PRKCA: variants seen among roughly 807,000 people sequenced by gnomAD.
PRKCA encodes protein kinase C alpha type.
PRKCA carries 27 observed loss-of-function variants against 87.0 expected under a neutral mutation model. That is an observed-to-expected ratio of 0.31 (90% CI 0.23 to 0.43). The LOEUF is 0.43. Among genes scored for constraint, PRKCA ranks in the 20% least tolerant of loss-of-function variants. PRKCA has a pLI of 1.00. For missense variants in PRKCA, 518 were observed against 852.3 expected, an observed-to-expected ratio of 0.61 and a Z score of 4.88; for synonymous variants, 329 against 311.1, an observed-to-expected ratio of 1.06 and a Z score of -0.61.
chr17:66,624,910 C>T (rs911934781), intron 3 of PRKCA, among the ~76,000 whole-genome samples: 29 of 151,998 alleles, frequency 1.9e-4, no homozygotes, highest in African/African-American at 6.8e-4. Flanking sequence ...TAGGAGTCAC[C>T]ACATTTCAAA....
chr17:66,355,959 C>T (rs1908021458), intron 2 of PRKCA, among the ~76,000 whole-genome samples: 2 of 152,126 alleles, frequency 1.3e-5, no homozygotes. Context: ...AGTGCAATGG[C>T]ATGATCTCCG....
chr17:66,796,747 C>T (rs149419114), intron 16 of PRKCA: 16,276 of 985,264 alleles, frequency 0.017, 151 homozygotes, highest in Middle Eastern at 0.018. Flanking sequence ...TAAAAGAAGA[C>T]GCTGTGCAAC....
At chr17:66,670,506 G>A (rs1972150209) in intron 5 of PRKCA, among the ~76,000 whole-genome samples, 1 of 152,192 alleles carries the variant, frequency 6.6e-6, no homozygotes, top group Non-Finnish European at 1.5e-5. Context: ...TCGGAGAAAT[G>A]TAGGATAAAA....
chr17:66,800,651 C>T (rs927804006), intron 16 of PRKCA, among the ~76,000 whole-genome samples: 3 of 152,160 alleles, frequency 2.0e-5, no homozygotes, highest in Non-Finnish European at 4.4e-5. Flanking sequence ...TCCCATTGGA[C>T]GATGATTCAT....
intron 13 of PRKCA, among the ~76,000 whole-genome samples, chr17:66,752,534 G>T (rs570430191): frequency 1.3e-5 from 2 of 152,320 alleles, no homozygotes; most frequent in East Asian, 3.9e-4. Context: ...GGAGGTGGGG[G>T]CTGTGGTGAG....
chr17:66,447,457 G>A (rs1052517865), intron 2 of PRKCA, among the ~76,000 whole-genome samples: 4 of 152,180 alleles, frequency 2.6e-5, no homozygotes, highest in Non-Finnish European at 5.9e-5. Flanking sequence ...AGTGCTTTCT[G>A]AGTAGCCACC....
chr17:66,413,466 CCT>C (rs1381976380), intron 2 of PRKCA, among the ~76,000 whole-genome samples: 1 of 152,070 alleles, frequency 6.6e-6, no homozygotes, highest in Non-Finnish European at 1.5e-5. Context: ...CAACCCGCAG[CCT>C]CTCTCCCTTC....
At chr17:66,449,198 A>AG (rs1262892282) in intron 2 of PRKCA, among the ~76,000 whole-genome samples, 1 of 152,066 alleles carries the variant, frequency 6.6e-6, no homozygotes, top group East Asian at 1.9e-4. Context: ...CTGAGCTGGG[A>AG]GGATTGCTTG....
chr17:66,325,527 A>T (rs1404950949), intron 2 of PRKCA, among the ~76,000 whole-genome samples: 1 of 152,182 alleles, frequency 6.6e-6, no homozygotes, highest in African/African-American at 2.4e-5. Context: ...TATAGGAACC[A>T]TAATTAAGGG....
chr17:66,535,521 G>A (rs910206632), intron 3 of PRKCA, among the ~76,000 whole-genome samples: 3 of 152,264 alleles, frequency 2.0e-5, no homozygotes, highest in Non-Finnish European at 2.9e-5. Flanking sequence ...AACTGATGGG[G>A]TGGGTGTCCC....
chr17:66,713,067 T>TTTTG (rs1403247186), intron 8 of PRKCA, among the ~76,000 whole-genome samples: 10 of 145,664 alleles, frequency 6.9e-5, no homozygotes, highest in South Asian at 2.2e-4. Flanking sequence ...TTTTTTTTTT[T>TTTTG]TTGAGATGGA....
chr17:66,660,546 A>C (rs886886581), intron 5 of PRKCA, among the ~76,000 whole-genome samples: 2 of 152,060 alleles, frequency 1.3e-5, no homozygotes, highest in Non-Finnish European at 2.9e-5. Flanking sequence ...TCATGCATAA[A>C]AACCACGGCT....
At chr17:66,644,879 C>T (rs755535507) in intron 4 of PRKCA, among the ~76,000 whole-genome samples, 3 of 151,814 alleles carry the variant, frequency 2.0e-5, no homozygotes, top group Non-Finnish European at 4.4e-5. Context: ...AGTCCCAGTA[C>T]TTTAGGAGGC....
At chr17:66,563,774 C>T (rs757710779) in intron 3 of PRKCA, among the ~76,000 whole-genome samples, 43 of 152,144 alleles carry the variant, frequency 2.8e-4, no homozygotes, top group Non-Finnish European at 4.4e-4. Flanking sequence ...AGTTGAAATG[C>T]GGCTGGTCCA....
At chr17:66,402,181 TA>T (rs1022853203) in intron 2 of PRKCA, among the ~76,000 whole-genome samples, 6 of 152,072 alleles carry the variant, frequency 3.9e-5, no homozygotes, top group African/African-American at 1.4e-4. Context: ...TCTTAGAATG[TA>T]AAGATGGAGT....
intron 3 of PRKCA, among the ~76,000 whole-genome samples, chr17:66,562,877 A>G (rs114802611): frequency 0.013 from 2,005 of 152,272 alleles, 42 homozygotes; most frequent in African/African-American, 0.046. Flanking sequence ...GATTACAGGC[A>G]TGAACACTGT....
At chr17:66,331,820 T>A (rs994587437) in intron 2 of PRKCA, among the ~76,000 whole-genome samples, 3 of 152,218 alleles carry the variant, frequency 2.0e-5, no homozygotes, top group African/African-American at 7.2e-5. Flanking sequence ...ATCTGTATTA[T>A]CTTTGTTTCT....
chr17:66,359,856 G>A (rs777730714), intron 2 of PRKCA, among the ~76,000 whole-genome samples: 3 of 152,156 alleles, frequency 2.0e-5, no homozygotes, highest in Non-Finnish European at 4.4e-5. Flanking sequence ...CAAGCTTGTT[G>A]CAATTATTCT....
chr17:66,302,843 G>GC lies in PRKCA; in HGVS notation c.-9_-8insC, dbSNP rs750256530. ...CCCCGGCGGAGGCAAGAGGTGGTTG[G>GC]GGGGGACCATGGCTGACGTTTTCCC... On this transcript the variant is annotated 5_prime_UTR_variant, in exon 1 of 17. Transcript: ENST00000413366. 3 of 1,591,262 alleles carry GC rather than the reference G, an allele frequency of 1.9e-6. No homozygotes were observed. Among genetic ancestry groups the GC allele is most frequent in the Non-Finnish European group, 1.7e-6 (2 of 1,169,594 alleles).
Sources: gnomAD v4.1 joint callset for allele counts (sites outside exome capture counted in the v4.1 genomes callset) on GRCh38, gnomAD v4.1.1 for gene constraint, MANE v1.5 for transcripts, NCBI Gene and HGNC (gene_info 2026-07-23, HGNC 2026-07-21) for gene names.